MFHAS1: variants seen among roughly 807,000 people sequenced by gnomAD.
The protein encoded by MFHAS1 is multifunctional ROCO family signaling regulator 1.
Under a neutral mutation model 70.4 loss-of-function variants are expected in MFHAS1, and 50 were observed. The ratio of observed to expected loss-of-function variants is 0.71; its 90% confidence interval spans 0.57 to 0.90. The LOEUF (loss-of-function observed/expected upper bound fraction) is 0.90, where lower values mean the gene tolerates loss of function less well. MFHAS1 is among the 40% of genes least tolerant of loss of function. MFHAS1 has a pLI of 0.00. For missense variants in MFHAS1, 1,795 were observed against 1,347.6 expected, an observed-to-expected ratio of 1.33 and a Z score of -5.20; for synonymous variants, 952 against 620.0, an observed-to-expected ratio of 1.54 and a Z score of -7.96.
intron 1 of MFHAS1, among the ~76,000 whole-genome samples, chr8:8,844,018 G>C (rs1012250143): frequency 6.6e-6 from 1 of 152,098 alleles, no homozygotes; most frequent in Non-Finnish European, 1.5e-5. Flanking sequence ...TACCTACATG[G>C]GTGTCATGCT....
At chr8:8,808,190 C>A (rs1376959807) in intron 1 of MFHAS1, among the ~76,000 whole-genome samples, 3 of 149,902 alleles carry the variant, frequency 2.0e-5, no homozygotes, top group Non-Finnish European at 4.4e-5. Flanking sequence ...GAACCCTCCT[C>A]TGCCCAGTGC....
intron 1 of MFHAS1, among the ~76,000 whole-genome samples, chr8:8,810,976 A>G (rs7006589): frequency 0.66 from 100,783 of 152,038 alleles, 34,244 homozygotes; most frequent in East Asian, 0.84. Flanking sequence ...CAGGCTTGCA[A>G]TCGGACCCAC....
chr8:8,819,304 T>C (rs867667396), intron 1 of MFHAS1, among the ~76,000 whole-genome samples: 1 of 152,196 alleles, frequency 6.6e-6, no homozygotes, highest in South Asian at 2.1e-4. Context: ...AGAGCATTTC[T>C]TTAAGAATAT....
intron 2 of MFHAS1, among the ~76,000 whole-genome samples, chr8:8,795,696 C>G (rs1463074092): frequency 6.6e-6 from 1 of 152,156 alleles, no homozygotes; most frequent in Non-Finnish European, 1.5e-5. Flanking sequence ...CACTGGGAAC[C>G]CTCGCTTTGC....
chr8:8,865,027 G>A (rs1163911118), intron 1 of MFHAS1, among the ~76,000 whole-genome samples: 1 of 152,074 alleles, frequency 6.6e-6, no homozygotes. Flanking sequence ...GGTAATCCCA[G>A]CACTTGAGGA....
At chr8:8,883,965 AG>A (rs200276535) in intron 1 of MFHAS1, among the ~76,000 whole-genome samples, 3,719 of 150,598 alleles carry the variant, frequency 0.025, 150 homozygotes, top group African/African-American at 0.086. Flanking sequence ...TGGGAGGCTG[AG>A]TGGGGAGGAC....
chr8:8,889,979 A>C, intron 1 of MFHAS1, 82 bp downstream of exon 1: 1 of 1,210,718 alleles, frequency 8.3e-7, no homozygotes, highest in South Asian at 1.5e-5. Context: ...TTAAACAAAC[A>C]TTCTGCCAAA....
chr8:8,812,308 T>C (rs1160661201), intron 1 of MFHAS1, among the ~76,000 whole-genome samples: 1 of 152,122 alleles, frequency 6.6e-6, no homozygotes, highest in Non-Finnish European at 1.5e-5. Flanking sequence ...CGGCGTAAGA[T>C]CTTAGCATCC....
Position 8,893,092 on chromosome 8 carries a change from G to C in MFHAS1, c.-34C>G. The C allele has an allele frequency of 7.1e-7, 1 of 1,405,368 alleles. No homozygotes were observed. The highest frequency in any genetic ancestry group is 9.3e-7 in the Non-Finnish European group (1 of 1,078,964). The allele number at this position is 1,405,368 out of a possible 1,614,324, so 87.1% of individuals were successfully genotyped here. On this transcript the variant is annotated 5_prime_UTR_variant, in exon 1 of 3. Transcript: ENST00000276282. ...CCCGGGCCGACAGCCTCACGCGGAC[G>C]CGGGAGCCCGCAGCTACATGCCGCG...
At chr8:8,839,150 C>T (rs1807711443) in intron 1 of MFHAS1, among the ~76,000 whole-genome samples, 1 of 151,736 alleles carries the variant, frequency 6.6e-6, no homozygotes, top group Non-Finnish European at 1.5e-5. Flanking sequence ...ATAAATCTGC[C>T]TCTTAAGAAA....
chr8:8,861,969 G>A (rs1009857393), intron 1 of MFHAS1, among the ~76,000 whole-genome samples: 7 of 152,136 alleles, frequency 4.6e-5, no homozygotes, highest in African/African-American at 1.7e-4. Flanking sequence ...TCCAGTATGT[G>A]GCAATTGTGG....
At chr8:8,801,198 G>A (rs995541862) in intron 1 of MFHAS1, among the ~76,000 whole-genome samples, 2 of 151,908 alleles carry the variant, frequency 1.3e-5, no homozygotes, top group Non-Finnish European at 2.9e-5. Flanking sequence ...CTGGACGATG[G>A]GGTGAGACTC....
At chr8:8,834,027 G>A (rs1807507346) in intron 1 of MFHAS1, among the ~76,000 whole-genome samples, 2 of 152,112 alleles carry the variant, frequency 1.3e-5, no homozygotes, top group African/African-American at 4.8e-5. Context: ...TCAGGAGGTT[G>A]AGGCATGAGA....
At chr8:8,788,994 G>C (rs187462547) in intron 2 of MFHAS1, among the ~76,000 whole-genome samples, 19 of 152,288 alleles carry the variant, frequency 1.2e-4, no homozygotes, top group African/African-American at 4.3e-4. Context: ...AGCCATCCAA[G>C]GCTTTTCAAC....
intron 2 of MFHAS1, among the ~76,000 whole-genome samples, chr8:8,795,106 G>A (rs1241308349): frequency 1.3e-5 from 2 of 152,198 alleles, no homozygotes; most frequent in South Asian, 4.2e-4. Context: ...GCTCTGGAAA[G>A]TTTACGCCAA....
At chr8:8,833,396 A>G (rs1267295543) in intron 1 of MFHAS1, among the ~76,000 whole-genome samples, 1 of 152,142 alleles carries the variant, frequency 6.6e-6, no homozygotes, top group African/African-American at 2.4e-5. Flanking sequence ...GGAGAGGCGG[A>G]AGTGGGAGGA....
chr8:8,850,810 T>C (rs1808217667), intron 1 of MFHAS1, among the ~76,000 whole-genome samples: 2 of 64,346 alleles, frequency 3.1e-5, no homozygotes, highest in Non-Finnish European at 5.5e-5. Flanking sequence ...AAACTCCGTC[T>C]CAAAAAAAAA....
intron 1 of MFHAS1, among the ~76,000 whole-genome samples, chr8:8,888,770 G>A (rs1257371938): frequency 1.3e-5 from 2 of 152,138 alleles, no homozygotes; most frequent in African/African-American, 2.4e-5. Flanking sequence ...ATACTATAAT[G>A]GGGGATACAG....
chr8:8,812,257 ATT>A, intron 1 of MFHAS1, among the ~76,000 whole-genome samples: 1 of 152,248 alleles, frequency 6.6e-6, no homozygotes, highest in South Asian at 2.1e-4. Flanking sequence ...ACGAAGAATC[ATT>A]TAGTGGTTCA....
Sources: allele counts gnomAD v4.1 joint callset (sites outside exome capture counted in the v4.1 genomes callset), GRCh38; gene constraint gnomAD v4.1.1; transcripts MANE v1.5; gene names NCBI Gene and HGNC (gene_info 2026-07-23, HGNC 2026-07-21).